NKX2-4: variants seen among roughly 807,000 people sequenced by gnomAD.
NKX2-4 encodes NK2 homeobox 4, also known as homeobox protein Nkx-2.4.
A neutral mutation model predicts 8.6 loss-of-function variants in NKX2-4; 6 were observed. The observed-to-expected ratio is 0.70, with a 90% confidence interval of 0.38 to 1.38. NKX2-4 has a LOEUF of 1.38. Among genes scored for constraint, NKX2-4 ranks in the 40% most tolerant of loss-of-function variants. The pLI is 0.02. For missense variants in NKX2-4, 601 were observed against 548.4 expected, an observed-to-expected ratio of 1.10 and a Z score of -0.96; for synonymous variants, 299 against 272.6, an observed-to-expected ratio of 1.10 and a Z score of -0.95.
In NKX2-4 at chr20:21,397,370, G is replaced by A. The variant is rs1600729587; in HGVS notation, c.30C>T (p.Pro10=). 18 of 1,446,376 alleles carry A rather than the reference G, an allele frequency of 1.2e-5. No individual in the cohort carries two copies. In the East Asian group the frequency reaches 4.9e-4, roughly 39 times the overall value. 89.6% of individuals were successfully genotyped at this position (1,446,376 alleles called of 1,614,324 possible). MSLSPKHTT[P]FSVSDILSPI... The stretch of plus-strand genomic sequence containing the variant: ...GGCTCAGGATGTCGGACACGGAGAA[G>A]GGCGTCGTGTGCTTTGGGCTCAACG... Residue 10 remains proline, a synonymous_variant, in exon 1 of 2, where the codon CCC becomes CCT. Transcript: ENST00000351817.
chr20:21,397,097 C>A lies in NKX2-4; in HGVS notation c.303G>T (p.Gln101His). The change falls in exon 1 of 2, where the codon CAG (glutamine) becomes CAT (histidine). Residue 101 changes from glutamine (Q) to histidine (H), a missense_variant. Gln to His is a conservative substitution (Grantham distance 24, BLOSUM62 0). Coordinates refer to ENST00000351817, the MANE Select transcript of NKX2-4 (RefSeq NM_033176.2). ...AGCTGCCCATGGCGCCGTGCGGGAA[C>A]TGCGAGACGCCGGGCGGCATGTGGT... ...ATYHMPPGVS[Q>H]FPHGAMGSYC... 7.2e-7 allele frequency: 1 copy of A among 1,381,986 alleles called. No individual in the cohort carries two copies. Among genetic ancestry groups the A allele is most frequent in the Non-Finnish European group, 9.4e-7 (1 of 1,064,954 alleles). The allele number at this position is 1,381,986 out of a possible 1,614,324, so 85.6% of individuals were successfully genotyped here. A position where few individuals can be genotyped will look rare whatever the true frequency, so the allele number is the denominator to read the frequency against.
At position 21,396,357 on chromosome 20, in the gene NKX2-4, G is replaced by C. The variant is rs780210342; in HGVS notation, c.619C>G (p.Arg207Gly). ...SQAQVYELER[R>G]FKQQKYLSAP... ...GACAGGTACTTCTGCTGCTTGAAGC[G>C]CCGCTCCAGCTCGTAGACCTGCGCC... Residue 207 changes from arginine (R) to glycine (G), a missense_variant, in exon 2 of 2, where the codon CGC becomes GGC. Coordinates refer to ENST00000351817, the MANE Select transcript of NKX2-4 (RefSeq NM_033176.2). 1.3e-6 allele frequency: 2 copies of C among 1,598,268 alleles called. No homozygotes were observed. The highest frequency in any genetic ancestry group is 1.7e-5 in the Admixed American group (1 of 58,486).
In NKX2-4 at chr20:21,397,139, C is replaced by T. The variant is rs1466274317; in HGVS notation, c.261G>A (p.Ala87=). 3.9e-6 allele frequency: 5 copies of T among 1,276,988 alleles called. No individual in the cohort carries two copies. The African/African-American group carries it at 7.9e-5, about 20-fold the overall frequency. The allele number at this position is 1,276,988 out of a possible 1,614,324, so 79.1% of individuals were successfully genotyped here. A position where few individuals can be genotyped will look rare whatever the true frequency, so the allele number is the denominator to read the frequency against. ...GCATGTGGTAGGTGGCGGCCGCCGC[C>T]GCCGCAGCTGCTGCCGCCGCCGCCG... ...AAAAAAAAAA[A]AAAATYHMPP... is the part of the protein sequence containing the mutation. The change falls in exon 1 of 2, where the codon GCG becomes GCA. Residue 87 remains alanine, a synonymous_variant. Transcript: ENST00000351817.
Position 21,396,025 on chromosome 20 carries a change from G to A in NKX2-4, c.951C>T (p.Pro317=). ...CCGGGCCGTGCAGCGCGGGTGGGCT[G>A]GGCGACAGCTCCTCCAGCTCAGGTG... ...TPAPELEELS[P]SPPALHGPGG... is the part of the protein sequence containing the mutation. The change falls in exon 2 of 2, where the codon CCC becomes CCT. Residue 317 remains proline, a synonymous_variant. Coordinates refer to ENST00000351817, the MANE Select transcript of NKX2-4 (RefSeq NM_033176.2). The A allele has an allele frequency of 7.9e-7, 1 of 1,258,156 alleles. No individual in the cohort carries two copies. The highest frequency in any genetic ancestry group is 9.9e-7 in the Non-Finnish European group (1 of 1,007,670). The allele number at this position is 1,258,156 out of a possible 1,614,324, so 77.9% of individuals were successfully genotyped here.
chr20:21,397,506 G>T lies in NKX2-4; in HGVS notation c.-107C>A, dbSNP rs1300648696. On this transcript the variant is annotated 5_prime_UTR_variant, in exon 1 of 2. Transcript: ENST00000351817. ...GCGGCAGCTGAGCCTGTGACGAGGAGTCGGCGGCTCGGCGAGCCCCCCGGG... is the reference window on the plus strand; with the variant it reads ...GCGGCAGCTGAGCCTGTGACGAGGATTCGGCGGCTCGGCGAGCCCCCCGGG... The T allele has an allele frequency of 8.4e-7, 1 of 1,195,316 alleles. No homozygotes were observed. The highest frequency in any genetic ancestry group is 3.6e-5 in the East Asian group (1 of 27,526). 74.0% of individuals were successfully genotyped at this position (1,195,316 alleles called of 1,614,324 possible). A position where few individuals can be genotyped will look rare whatever the true frequency, so the allele number is the denominator to read the frequency against.
At position 21,397,275 on chromosome 20, in the gene NKX2-4, A is replaced by G. The variant is rs553457506; in HGVS notation, c.125T>C (p.Leu42Pro). Reference protein sequence around the residue: ...DGAPPGLGAPLGAAAAYRAPP... With the variant: ...DGAPPGLGAPPGAAAAYRAPP... ...CGCGCGGTAGGCGGCCGCGGCCCCC[A>G]GGGGCGCCCCCAGGCCGGGTGGCGC... The change falls in exon 1 of 2, where the codon CTG becomes CCG. Residue 42 changes from leucine (L) to proline (P), a missense_variant. Transcript: ENST00000351817. 296 of 1,256,778 alleles carry G rather than the reference A, an allele frequency of 2.4e-4. No individual in the cohort carries two copies. In the African/African-American group the frequency reaches 4.1e-3, roughly 18 times the overall value. The allele number at this position is 1,256,778 out of a possible 1,614,324, so 77.9% of individuals were successfully genotyped here. A position where few individuals can be genotyped will look rare whatever the true frequency, so the allele number is the denominator to read the frequency against.
rs916687741 is a variant in NKX2-4, at chr20:21,396,504, C to T, written c.472G>A (p.Val158Met). The T allele has an allele frequency of 4.2e-6, 6 of 1,438,180 alleles. No homozygotes were observed. Among genetic ancestry groups the T allele is most frequent in the South Asian group, 1.5e-5 (1 of 67,714 alleles). 89.1% of individuals were successfully genotyped at this position (1,438,180 alleles called of 1,614,324 possible). Residue 158 changes from valine to methionine, a missense_variant, in exon 2 of 2, where the codon GTG becomes ATG. Coordinates refer to ENST00000351817, the MANE Select transcript of NKX2-4 (RefSeq NM_033176.2). The stretch of plus-strand genomic sequence containing the variant: ...AGCGACCCCATGCCGGCCACATTCA[C>T]GCCCGCCGACGGCCCCATGAACCTG... The part of the protein sequence containing the change: ...ISRFMGPSAG[V>M]NVAGMGSLTG...
Position 21,396,431 on chromosome 20 carries a change from G to A in NKX2-4, c.545C>T (p.Ala182Val), listed in dbSNP as rs2039021430. Residue 182 changes from alanine (A) to valine (V), a missense_variant, in exon 2 of 2, where the codon GCG becomes GTG. Coordinates refer to ENST00000351817, the MANE Select transcript of NKX2-4 (RefSeq NM_033176.2). ...CCTTCGCGGAGCGGCTGCCGCCGCC[G>A]CCGCGTGCAGCGGGCCCAGCGACTT... ...AAKSLGPLHA[A>V]AAAAAPRRKR... The A allele has an allele frequency of 6.6e-7, 1 of 1,516,624 alleles. No individual in the cohort carries two copies. Among genetic ancestry groups the A allele is most frequent in the Non-Finnish European group, 8.8e-7 (1 of 1,140,502 alleles). The allele number at this position is 1,516,624 out of a possible 1,614,324, so 93.9% of individuals were successfully genotyped here.
chr20:21,397,442 G>C lies in NKX2-4; in HGVS notation c.-43C>G. 7.9e-7 allele frequency: 1 copy of C among 1,267,854 alleles called. No homozygotes were observed. Among genetic ancestry groups the C allele is most frequent in the South Asian group, 2.8e-5 (1 of 36,040 alleles). The allele number at this position is 1,267,854 out of a possible 1,614,324, so 78.5% of individuals were successfully genotyped here. A position where few individuals can be genotyped will look rare whatever the true frequency, so the allele number is the denominator to read the frequency against. On this transcript the variant is annotated 5_prime_UTR_variant, in exon 1 of 2. Coordinates refer to ENST00000351817, the MANE Select transcript of NKX2-4 (RefSeq NM_033176.2). Reference sequence around the variant, plus strand: ...GGTAGGGGGGCCTGGGGCGCGCGCCGGCAGGACGCGGCGGCCGCTCGTCGC... The same window carrying C: ...GGTAGGGGGGCCTGGGGCGCGCGCCCGCAGGACGCGGCGGCCGCTCGTCGC...
rs1472724016 is a variant in NKX2-4 at position 21,396,162 on chromosome 20, G to C, written c.814C>G (p.Pro272Ala). ...LGPPPPPPPS[P>A]RRVAVPVLVK... ...AGCACAGGCACCGCCACGCGGCGCG[G>C]GGACGGCGGCGGAGGCGGCGGCGGG... The change falls in exon 2 of 2, where the codon CCG becomes GCG. Residue 272 changes from proline (P) to alanine (A), a missense_variant. Transcript: ENST00000351817. 2 of 1,485,228 alleles carry C rather than the reference G, an allele frequency of 1.3e-6. No homozygotes were observed. Among genetic ancestry groups the C allele is most frequent in the African/African-American group, 1.5e-5 (1 of 67,742 alleles). 92.0% of individuals were successfully genotyped at this position (1,485,228 alleles called of 1,614,324 possible).
At position 21,396,048 on chromosome 20, in the gene NKX2-4, G is replaced by C; in HGVS notation, c.928C>G (p.Pro310Ala). ...GPQPPAPTPA[P>A]ELEELSPSPP... ...CTGGGCGACAGCTCCTCCAGCTCAG[G>C]TGCTGGCGTCGGGGCCGGCGGCTGC... Residue 310 changes from proline to alanine, a missense_variant, in exon 2 of 2, where the codon CCT becomes GCT. Transcript: ENST00000351817. 2 of 1,270,058 alleles carry C rather than the reference G, an allele frequency of 1.6e-6. No individual in the cohort carries two copies. Among genetic ancestry groups the C allele is most frequent in the Non-Finnish European group, 2.0e-6 (2 of 1,016,510 alleles). The allele number at this position is 1,270,058 out of a possible 1,614,324, so 78.7% of individuals were successfully genotyped here.
rs2122404209 is a variant in NKX2-4, at chr20:21,397,461, T to C, written c.-62A>G. 8.1e-7 allele frequency: 1 copy of C among 1,235,654 alleles called. No homozygotes were observed. The highest frequency in any genetic ancestry group is 1.0e-6 in the Non-Finnish European group (1 of 993,274). The allele number at this position is 1,235,654 out of a possible 1,614,324, so 76.5% of individuals were successfully genotyped here. A position where few individuals can be genotyped will look rare whatever the true frequency, so the allele number is the denominator to read the frequency against. ...CGCGCCGGCAGGACGCGGCGGCCGC[T>C]CGTCGCCGCCACCTCGGCCGCGGCA... On this transcript the variant is annotated 5_prime_UTR_variant, in exon 1 of 2. Coordinates refer to ENST00000351817, the MANE Select transcript of NKX2-4 (RefSeq NM_033176.2).
rs375642949 is a variant in NKX2-4, at chr20:21,396,319, G to A, written c.657C>T (p.Arg219=). 2.2e-5 allele frequency: 35 copies of A among 1,604,184 alleles called. No homozygotes were observed. In the African/African-American group the frequency reaches 4.0e-4, roughly 18 times the overall value. ...GGTGGATCATGCTGGCCAGGTGCTC[G>A]CGCTCGGGCGCCGACAGGTACTTCT... ...KQQKYLSAPE[R]EHLASMIHLT... is the part of the protein sequence containing the mutation. The change falls in exon 2 of 2, where the codon CGC becomes CGT. Residue 219 remains arginine (R), a synonymous_variant. Transcript: ENST00000351817.
Position 21,397,441 on chromosome 20 carries a change from C to T in NKX2-4, c.-42G>A, listed in dbSNP as rs746291889. On this transcript the variant is annotated 5_prime_UTR_variant, in exon 1 of 2. Coordinates refer to ENST00000351817, the MANE Select transcript of NKX2-4 (RefSeq NM_033176.2). ...AGGTAGGGGGGCCTGGGGCGCGCGC[C>T]GGCAGGACGCGGCGGCCGCTCGTCG... 6 of 1,263,718 alleles carry T rather than the reference C, an allele frequency of 4.7e-6. No individual in the cohort carries two copies. In the African/African-American group the frequency reaches 7.8e-5, roughly 16 times the overall value. The allele number at this position is 1,263,718 out of a possible 1,614,324, so 78.3% of individuals were successfully genotyped here.
rs956168362 is a variant in NKX2-4, at chr20:21,397,151, TGCC to T, written c.246_248del (p.Ala91del). On this transcript the variant is annotated inframe_deletion, in exon 1 of 2. Transcript: ENST00000351817. ...TGGCGGCCGCCGCCGCCGCAGCTGC[TGCC>T]GCCGCCGCCGCGGCCGCCGCGTTGT... 283 of 1,265,066 alleles carry T rather than the reference TGCC, an allele frequency of 2.2e-4. No homozygotes were observed. Among genetic ancestry groups the T allele is most frequent in the South Asian group, 2.1e-3 (74 of 35,742 alleles). The allele number at this position is 1,265,066 out of a possible 1,614,324, so 78.4% of individuals were successfully genotyped here.
Position 21,395,889 on chromosome 20 carries a change from T to C in NKX2-4, c.*22A>G. 1 of 1,308,268 alleles carries C rather than the reference T, an allele frequency of 7.6e-7. No homozygotes were observed. The highest frequency in any genetic ancestry group is 1.5e-5 in the African/African-American group (1 of 66,256). The allele number at this position is 1,308,268 out of a possible 1,614,324, so 81.0% of individuals were successfully genotyped here. On this transcript the variant is annotated 3_prime_UTR_variant, in exon 2 of 2. Transcript: ENST00000351817. ...CAGACCCTTCGGGTGCACCAGGACC[T>C]AGCCCCGGGGCGCCCTCGCTGTCAC...
Position 21,396,059 on chromosome 20 carries a change from G to A in NKX2-4, c.917C>T (p.Pro306Leu). ...PGQAGPQPPA[P>L]TPAPELEELS... ...CTCCTCCAGCTCAGGTGCTGGCGTCGGGGCCGGCGGCTGCGGACCGGCCTG... is the reference window on the plus strand; with the variant it reads ...CTCCTCCAGCTCAGGTGCTGGCGTCAGGGCCGGCGGCTGCGGACCGGCCTG... The change falls in exon 2 of 2, where the codon CCG (proline) becomes CTG (leucine). Residue 306 changes from proline to leucine, a missense_variant. By Grantham distance (98) the Pro-to-Leu change is moderately conservative. Coordinates refer to ENST00000351817, the MANE Select transcript of NKX2-4 (RefSeq NM_033176.2). The A allele has an allele frequency of 7.9e-7, 1 of 1,269,204 alleles. No individual in the cohort carries two copies. The highest frequency in any genetic ancestry group is 9.8e-7 in the Non-Finnish European group (1 of 1,015,608). 78.6% of individuals were successfully genotyped at this position (1,269,204 alleles called of 1,614,324 possible).
Position 21,397,347 on chromosome 20 carries a change from C to T in NKX2-4, c.53G>A (p.Ser18Asn), listed in dbSNP as rs1262008487. 4.8e-6 allele frequency: 7 copies of T among 1,445,798 alleles called. No homozygotes were observed. In the East Asian group the frequency reaches 2.0e-4, roughly 42 times the overall value. 89.6% of individuals were successfully genotyped at this position (1,445,798 alleles called of 1,614,324 possible). A position where few individuals can be genotyped will look rare whatever the true frequency, so the allele number is the denominator to read the frequency against. ...CTTCTTGTAGGTCTCCTCGATGGGG[C>T]TCAGGATGTCGGACACGGAGAAGGG... is the stretch of plus-strand genomic sequence containing the variant. ...TTPFSVSDIL[S>N]PIEETYKKFS... Residue 18 changes from serine to asparagine, a missense_variant, in exon 1 of 2, where the codon AGC (serine) becomes AAC (asparagine). Physicochemically the swap from Ser to Asn is conservative, Grantham distance 46 (BLOSUM62 1). Coordinates refer to ENST00000351817, the MANE Select transcript of NKX2-4 (RefSeq NM_033176.2).
Position 21,397,329 on chromosome 20 carries a change from T to A in NKX2-4, c.71A>T (p.Tyr24Phe). 1 of 1,422,424 alleles carries A rather than the reference T, an allele frequency of 7.0e-7. No homozygotes were observed. The highest frequency in any genetic ancestry group is 9.2e-7 in the Non-Finnish European group (1 of 1,086,922). 88.1% of individuals were successfully genotyped at this position (1,422,424 alleles called of 1,614,324 possible). A position where few individuals can be genotyped will look rare whatever the true frequency, so the allele number is the denominator to read the frequency against. Residue 24 changes from tyrosine to phenylalanine, a missense_variant, in exon 1 of 2, where the codon TAC becomes TTC. Tyr to Phe is a conservative substitution (Grantham distance 22, BLOSUM62 3). Coordinates refer to ENST00000351817, the MANE Select transcript of NKX2-4 (RefSeq NM_033176.2). The part of the protein sequence containing the change: ...SDILSPIEET[Y>F]KKFSGAMDGA... The stretch of plus-strand genomic sequence containing the variant: ...GTCCATGGCGCCGCTGAACTTCTTG[T>A]AGGTCTCCTCGATGGGGCTCAGGAT...
Sources: allele counts gnomAD v4.1 joint callset, GRCh38; gene constraint gnomAD v4.1.1; transcripts MANE v1.5; gene names NCBI Gene and HGNC (gene_info 2026-07-23, HGNC 2026-07-21).